Variants in ZBTB11 observed in about 807,000 individuals in gnomAD.
ZBTB11 encodes zinc finger and BTB domain-containing protein 11.
In ZBTB11, 68 loss-of-function variants were observed where a neutral mutation model predicts 113.1. The observed-to-expected ratio is 0.60, with a 90% CI of 0.49 to 0.74. The LOEUF (loss-of-function observed/expected upper bound fraction) is 0.74, where lower values mean the gene tolerates loss of function less well. Ranked by LOEUF, ZBTB11 falls within the 30% of genes least tolerant of loss-of-function variation. The pLI, the probability that ZBTB11 is intolerant of heterozygous loss-of-function variation, is 0.00. For missense variants in ZBTB11, 1,104 were observed against 1,279.4 expected (o/e 0.86, Z 2.09); for synonymous variants, 518 against 452.6 (o/e 1.14, Z -1.83).
rs773091313 is a variant in ZBTB11, at chr3:101,664,761, A to C, written c.1624-47T>G. On this transcript the variant is annotated intron_variant, in intron 4 of 10. Transcript: ENST00000312938. ...AATCTAAGTAAATCTACTCAATTTT[A>C]ATTTTTAAAGTCATGTTGTAAATTT... The C allele has an allele frequency of 2.6e-6, 4 of 1,529,680 alleles. No homozygotes were observed. The Admixed American group carries it at 9.1e-5, about 35-fold the overall frequency. 94.8% of individuals were successfully genotyped at this position (1,529,680 alleles called of 1,614,324 possible).
At chr3:101,676,373 C>T (rs925699388) in intron 1 of ZBTB11, 20 of 410,758 alleles carry the variant, frequency 4.9e-5, no homozygotes, top group East Asian at 1.1e-4. Flanking sequence ...TCCGGGGAAG[C>T]CCCCTTGGTC....
chr3:101,668,215 G>C (rs1937027065), intron 3 of ZBTB11, among the ~76,000 whole-genome samples: 2 of 152,072 alleles, frequency 1.3e-5, no homozygotes, highest in Non-Finnish European at 2.9e-5. Flanking sequence ...GGTGACAGGA[G>C]GGGAGTATAG....
rs1936968414 is a variant in ZBTB11, at chr3:101,665,166, C to G, written c.1421G>C (p.Arg474Thr). The change falls in exon 4 of 11, where the codon AGG becomes ACG. Residue 474 changes from arginine (R) to threonine (T), a missense_variant. Physicochemically the swap from Arg to Thr is moderately conservative, Grantham distance 71 (BLOSUM62 -1). Coordinates refer to ENST00000312938, the MANE Select transcript of ZBTB11 (RefSeq NM_014415.4). ...TTTTAAAGGTTGGTCAACTTTCTGC[C>G]TATGTTTTGGAATGTCTTCGGCACA... ...DICAEDIPKH[R>T]QKVDQPLKDQ... 1 of 1,614,020 alleles carries G rather than the reference C, an allele frequency of 6.2e-7. No homozygotes were observed. Among genetic ancestry groups the G allele is most frequent in the Non-Finnish European group, 8.5e-7 (1 of 1,180,030 alleles).
At chr3:101,663,419 T>C (rs76904694) in intron 5 of ZBTB11, among the ~76,000 whole-genome samples, 1,797 of 152,318 alleles carry the variant, frequency 0.012, 39 homozygotes, top group African/African-American at 0.041. Flanking sequence ...TAATCCCTAA[T>C]ATCTGTTCAT....
chr3:101,676,047 C>T (rs1006711561), intron 1 of ZBTB11, among the ~76,000 whole-genome samples: 9 of 152,266 alleles, frequency 5.9e-5, no homozygotes, highest in Admixed American at 5.9e-4. Flanking sequence ...CTTATCACTT[C>T]TGCAAATAAT....
chr3:101,658,227 AT>A (rs200382292), intron 6 of ZBTB11, among the ~76,000 whole-genome samples: 531 of 143,350 alleles, frequency 3.7e-3, no homozygotes, highest in Middle Eastern at 0.022. Context: ...TTAAAAATTA[AT>A]TTTTTTTTTT....
intron 3 of ZBTB11, among the ~76,000 whole-genome samples, chr3:101,667,248 T>G (rs1409443091): frequency 2.0e-5 from 3 of 152,096 alleles, no homozygotes; most frequent in Non-Finnish European, 2.9e-5. Context: ...CCATGTTGTC[T>G]CAGCTGATCT....
chr3:101,661,246 A>C (rs545203225), intron 5 of ZBTB11, among the ~76,000 whole-genome samples: 2 of 151,480 alleles, frequency 1.3e-5, no homozygotes, highest in African/African-American at 4.9e-5. Flanking sequence ...AAAAAAAAAA[A>C]AAAAAAAATC....
rs1259762097 is a variant in ZBTB11 at position 101,650,527 on chromosome 3, T to C, written c.*639A>G. The stretch of plus-strand genomic sequence containing the variant: ...GCTATTCATTTATGGGTTCCTCATA[T>C]AGATAAATATATTGTGCAAACTTGA... On this transcript the variant is annotated 3_prime_UTR_variant, in exon 11 of 11. Coordinates refer to ENST00000312938, the MANE Select transcript of ZBTB11 (RefSeq NM_014415.4). 6.6e-6 allele frequency: 1 copy of C among 152,598 alleles called. No individual in the cohort carries two copies. Among genetic ancestry groups the C allele is most frequent in the African/African-American group, 2.4e-5 (1 of 41,460 alleles). The allele number at this position is 152,598 out of a possible 1,614,324, so 9.5% of individuals were successfully genotyped here. A position where few individuals can be genotyped will look rare whatever the true frequency, so the allele number is the denominator to read the frequency against.
chr3:101,652,762 C>T lies in ZBTB11; in HGVS notation c.2468+18G>A. Reference sequence around the variant, plus strand: ...ACACGTTATCAATTAAGTTCAGCTCCTTCTCAAATTTACTCACCTATAAGG... The same window carrying T: ...ACACGTTATCAATTAAGTTCAGCTCTTTCTCAAATTTACTCACCTATAAGG... On this transcript the variant is annotated intron_variant, in intron 9 of 10. Coordinates refer to ENST00000312938, the MANE Select transcript of ZBTB11 (RefSeq NM_014415.4). The T allele has an allele frequency of 6.2e-7, 1 of 1,609,656 alleles. No individual in the cohort carries two copies.
chr3:101,664,737 A>G (rs1455698351), intron 4 of ZBTB11, 23 bp from the exon 5 acceptor site: 4 of 1,551,204 alleles, frequency 2.6e-6, no homozygotes, highest in Non-Finnish European at 3.5e-6. Flanking sequence ...AGAAATCACA[A>G]TCTAAGTAAA....
Position 101,652,938 on chromosome 3 carries a change from T to C in ZBTB11, c.2310A>G (p.Gln770=). The change falls in exon 9 of 11, where the codon CAA becomes CAG. Residue 770 remains glutamine (Q), a splice_region_variant and synonymous_variant. Coordinates refer to ENST00000312938, the MANE Select transcript of ZBTB11 (RefSeq NM_014415.4). ...TAGCTTCAAAGAAACTTTTTTCACA[T>C]CTGCAATAAAGTTCAGTTACCCAAT... The part of the protein sequence containing the change: ...KPEVRGYHCT[Q]CEKSFFEARD... The C allele has an allele frequency of 6.2e-7, 1 of 1,610,106 alleles. No homozygotes were observed. Among genetic ancestry groups the C allele is most frequent in the Non-Finnish European group, 8.5e-7 (1 of 1,178,554 alleles).
chr3:101,674,591 T>C (rs776241107), intron 1 of ZBTB11, among the ~76,000 whole-genome samples: 2 of 151,364 alleles, frequency 1.3e-5, no homozygotes, highest in South Asian at 2.1e-4. Flanking sequence ...TCCCAGCTAC[T>C]CTGGAGACTG....
At chr3:101,663,481 A>G (rs576697720) in intron 5 of ZBTB11, among the ~76,000 whole-genome samples, 1 of 152,278 alleles carries the variant, frequency 6.6e-6, no homozygotes, top group East Asian at 1.9e-4. Context: ...GTAAATGGGG[A>G]GGGGATTGTT....
intron 4 of ZBTB11, 79 bp from the exon 5 acceptor site, chr3:101,664,793 A>C (rs1413056024): frequency 8.7e-6 from 13 of 1,490,426 alleles, no homozygotes; most frequent in Non-Finnish European, 1.2e-5. Flanking sequence ...ATTTCTAACA[A>C]AAAGATTTCA....
rs777533902 is a variant in ZBTB11, at chr3:101,651,422, G to T, written c.2906C>A (p.Thr969Lys). ...TQVAHAVSILTAGMQEQESSG... is the reference protein window; with the variant it reads ...TQVAHAVSILKAGMQEQESSG... The stretch of plus-strand genomic sequence containing the variant: ...GCTTTCTTGTTCCTGCATGCCTGCT[G>T]TTAAGATGCTAACAGCATGTGCCAC... Residue 969 changes from threonine (T) to lysine (K), a missense_variant, in exon 11 of 11, where the codon ACA (threonine) becomes AAA (lysine). Coordinates refer to ENST00000312938, the MANE Select transcript of ZBTB11 (RefSeq NM_014415.4). The T allele has an allele frequency of 6.2e-7, 1 of 1,614,054 alleles. No homozygotes were observed. Among genetic ancestry groups the T allele is most frequent in the Non-Finnish European group, 8.5e-7 (1 of 1,180,030 alleles).
chr3:101,654,577 G>GA (rs1936762169), intron 8 of ZBTB11, 127 bp downstream of exon 8: 1 of 748,576 alleles, frequency 1.3e-6, no homozygotes, highest in Non-Finnish European at 2.2e-6. Context: ...CCTTAAGCAA[G>GA]AAAAAAAGGA....
rs747146023 is a variant in ZBTB11 at position 101,676,922 on chromosome 3, C to T, written c.-8G>A. The T allele has an allele frequency of 1.3e-6, 2 of 1,555,566 alleles. No homozygotes were observed. The highest frequency in any genetic ancestry group is 1.2e-5 in the South Asian group (1 of 84,730). ...GCTTTCCTCGCTTGACATCGCGGAC[C>T]GCGGCTCCCTGAGGGCGCCTGTCAG... On this transcript the variant is annotated 5_prime_UTR_variant, in exon 1 of 11. Transcript: ENST00000312938.
chr3:101,662,516 C>T lies in ZBTB11; in HGVS notation c.1800+2022G>A, dbSNP rs548346019. Among the ~76,000 whole-genome samples, 7 of 152,062 alleles carry T rather than the reference C, an allele frequency of 4.6e-5. No homozygotes were observed. The South Asian group carries it at 1.2e-3, about 27-fold the overall frequency. On this transcript the variant is annotated intron_variant, in intron 5 of 10. Coordinates refer to ENST00000312938, the MANE Select transcript of ZBTB11 (RefSeq NM_014415.4). The stretch of plus-strand genomic sequence containing the variant: ...GCGCATGCCTGTAATCCCAGCTACT[C>T]GGGAGGCTGAGGCAGAACTGCTTCA...
Sources: allele counts gnomAD v4.1 joint callset (sites outside exome capture counted in the v4.1 genomes callset), GRCh38; gene constraint gnomAD v4.1.1; transcripts MANE v1.5; gene names NCBI Gene and HGNC (gene_info 2026-07-23, HGNC 2026-07-21).